The following PXYLP1 variants were observed in gnomAD, a reference collection of about 807,000 sequenced individuals.
The protein encoded by PXYLP1 is 2-phosphoxylose phosphatase 1.
Under a neutral mutation model 37.9 loss-of-function variants are expected in PXYLP1, and 17 were observed. The observed-to-expected ratio is 0.45, with a 90% CI of 0.31 to 0.67. The LOEUF (loss-of-function observed/expected upper bound fraction) is 0.67. Among genes scored for constraint, PXYLP1 ranks in the 30% least tolerant of loss-of-function variants. The pLI, the probability that PXYLP1 is intolerant of heterozygous loss-of-function variation, is 0.07. For synonymous variants in PXYLP1, 221 were observed against 232.2 expected, an observed-to-expected ratio of 0.95 and a Z score of 0.44; for missense variants, 511 against 612.0, an observed-to-expected ratio of 0.84 and a Z score of 1.74.
intron 1 of PXYLP1, among the ~76,000 whole-genome samples, chr3:141,259,760 A>T: frequency 6.6e-6 from 1 of 152,234 alleles, no homozygotes. Context: ...TCACAGCAAG[A>T]TGAGTCCGTG....
At chr3:141,276,530 G>A (rs953940557) in intron 2 of PXYLP1, among the ~76,000 whole-genome samples, 1 of 151,972 alleles carries the variant, frequency 6.6e-6, no homozygotes, top group African/African-American at 2.4e-5. Flanking sequence ...TCCACAGTAG[G>A]GACATAACGT....
At chr3:141,239,494 A>G (rs1280065986) in intron 1 of PXYLP1, among the ~76,000 whole-genome samples, 4 of 148,082 alleles carry the variant, frequency 2.7e-5, no homozygotes, top group African/African-American at 5.1e-5. Context: ...CATAATTTCT[A>G]GCATTGCTAA....
intron 1 of PXYLP1, among the ~76,000 whole-genome samples, chr3:141,245,435 A>G (rs1290650996): frequency 1.3e-5 from 2 of 152,170 alleles, no homozygotes; most frequent in African/African-American, 4.8e-5. Flanking sequence ...AACTATACAT[A>G]TTGATTAGAA....
chr3:141,271,190 C>T (rs1941653916), intron 2 of PXYLP1, among the ~76,000 whole-genome samples: 1 of 152,160 alleles, frequency 6.6e-6, no homozygotes. Context: ...GGAAATGAGG[C>T]ACAGAGAGGC....
intron 2 of PXYLP1, chr3:141,273,111 C>T (rs1941708562): frequency 1.0e-6 from 1 of 985,354 alleles, no homozygotes; most frequent in African/African-American, 1.7e-5. Context: ...CCTTATGGTC[C>T]ATGTGCTTTC....
chr3:141,261,538 A>G (rs920659549), intron 2 of PXYLP1, among the ~76,000 whole-genome samples: 3 of 152,328 alleles, frequency 2.0e-5, no homozygotes, highest in African/African-American at 7.2e-5. Context: ...GGAAATTCCA[A>G]AGTCACAGTT....
At chr3:141,253,298 C>T (rs540270363) in intron 1 of PXYLP1, among the ~76,000 whole-genome samples, 1 of 152,234 alleles carries the variant, frequency 6.6e-6, no homozygotes, top group South Asian at 2.1e-4. Context: ...CAGACCCAGA[C>T]ATGGCAGGGG....
At chr3:141,279,601 G>T (rs1941897828) in intron 4 of PXYLP1, 97 bp downstream of exon 4, 2 of 1,486,040 alleles carry the variant, frequency 1.3e-6, no homozygotes, top group African/African-American at 2.8e-5. Flanking sequence ...CATACTGTTT[G>T]CAGGAGCCTG....
chr3:141,261,051 C>T (rs138269565), intron 2 of PXYLP1, among the ~76,000 whole-genome samples: 1 of 152,182 alleles, frequency 6.6e-6, no homozygotes, highest in African/African-American at 2.4e-5. Flanking sequence ...CCTCTAGGAC[C>T]CTTCCAGGAA....
chr3:141,255,054 G>A (rs986530403), intron 1 of PXYLP1, among the ~76,000 whole-genome samples: 3 of 152,186 alleles, frequency 2.0e-5, no homozygotes, highest in African/African-American at 7.2e-5. Flanking sequence ...CCTTTGACGT[G>A]TTCTTTTTCT....
chr3:141,292,705 T>A lies in PXYLP1; in HGVS notation c.943T>A (p.Cys315Ser). The A allele has an allele frequency of 6.2e-7, 1 of 1,614,070 alleles. No homozygotes were observed. Among genetic ancestry groups the A allele is most frequent in the Non-Finnish European group, 8.5e-7 (1 of 1,180,010 alleles). Reference protein sequence around the residue: ...NVSFPCTRNGCVDMEHFKVIK... With the variant: ...NVSFPCTRNGSVDMEHFKVIK... ...CAGCTTTCCCTGTACCAGAAATGGC[T>A]GTGTTGACATGGAGCACTTCAAGGT... Residue 315 changes from cysteine (C) to serine (S), a missense_variant, in exon 6 of 6, where the codon TGT (cysteine) becomes AGT (serine). Transcript: ENST00000286353. The surrounding 1 kb of genome is among the most constrained non-coding windows in gnomAD (Gnocchi z 4.3).
intron 2 of PXYLP1, among the ~76,000 whole-genome samples, chr3:141,275,532 G>A (rs969364472): frequency 1.3e-5 from 2 of 152,252 alleles, no homozygotes; most frequent in East Asian, 1.9e-4. Flanking sequence ...CAGAATCAAG[G>A]ACTGAGCCAG....
At chr3:141,260,391 G>A (rs1454406328) in intron 2 of PXYLP1, 137 bp downstream of exon 2, 1 of 998,634 alleles carries the variant, frequency 1.0e-6, no homozygotes, top group African/African-American at 1.6e-5. Context: ...ACTCACAGTG[G>A]CCGGTTGCAA....
At chr3:141,283,135 T>A in intron 4 of PXYLP1, among the ~76,000 whole-genome samples, 2 of 106,454 alleles carry the variant, frequency 1.9e-5, no homozygotes, top group South Asian at 4.6e-4. Context: ...CCCAGCTAAT[T>A]TTTGTATTTT....
intron 2 of PXYLP1, among the ~76,000 whole-genome samples, chr3:141,268,128 T>C (rs1355236525): frequency 6.6e-6 from 1 of 150,876 alleles, no homozygotes; most frequent in Non-Finnish European, 1.5e-5. Flanking sequence ...GCATAATATA[T>C]TAAATTTTAA....
At chr3:141,237,048 A>G (rs1409123948) in intron 1 of PXYLP1, among the ~76,000 whole-genome samples, 1 of 152,192 alleles carries the variant, frequency 6.6e-6, no homozygotes, top group Non-Finnish European at 1.5e-5. Flanking sequence ...TAAGCCTGCG[A>G]TCTGCTTAGA....
chr3:141,275,366 T>G (rs1252911526), intron 2 of PXYLP1, among the ~76,000 whole-genome samples: 1 of 152,216 alleles, frequency 6.6e-6, no homozygotes, highest in African/African-American at 2.4e-5. Flanking sequence ...CTGTGGGCAC[T>G]CTAGGACACC....
intron 2 of PXYLP1, chr3:141,262,452 C>A: frequency 1.4e-6 from 1 of 710,860 alleles, no homozygotes; most frequent in Non-Finnish European, 1.9e-6. Flanking sequence ...GAGAGGCTGA[C>A]AGGTTCTGAG....
intron 2 of PXYLP1, chr3:141,262,460 G>T: frequency 1.4e-6 from 1 of 709,804 alleles, no homozygotes; most frequent in East Asian, 3.5e-5. Flanking sequence ...GACAGGTTCT[G>T]AGACATGAAT....
Sources: allele counts gnomAD v4.1 joint callset (sites outside exome capture counted in the v4.1 genomes callset), GRCh38; gene constraint gnomAD v4.1.1; non-coding constraint Gnocchi (gnomAD v3.1); transcripts MANE v1.5; gene names NCBI Gene and HGNC (gene_info 2026-07-23, HGNC 2026-07-21).